Variants in ERAP1 observed in about 807,000 individuals in gnomAD.
ERAP1 encodes endoplasmic reticulum aminopeptidase 1, also known as adipocyte-derived leucine aminopeptidase.
ERAP1 carries 86 observed loss-of-function variants against 103.7 expected under a neutral mutation model. The observed-to-expected ratio is 0.83, with a 90% CI of 0.70 to 0.99. The LOEUF is 0.99. ERAP1 is among the 50% of genes least tolerant of loss of function. ERAP1 has a pLI of 0.00. For missense variants in ERAP1, 1,009 were observed against 1,128.4 expected (o/e 0.89, Z 1.52); for synonymous variants, 398 against 402.4 (o/e 0.99, Z 0.13).
chr5:96,836,176 G>GTTTTTTTTTTTTTTTTTTTTTTTGTTT, the ERAP1 span, among the ~76,000 whole-genome samples: 4 of 106,682 alleles, frequency 3.7e-5, no homozygotes, highest in African/African-American at 7.1e-5. Context: ...CACCTCTTTG[G>GTTTTTTTTTTTTTTTTTTTTTTTGTTT]TTTTTTTTTT....
chr5:96,919,372 C>G, the ERAP1 span: 2 of 152,060 alleles, frequency 1.3e-5, no homozygotes, highest in African/African-American at 4.8e-5. Context: ...TTTTATAACA[C>G]CTAAGAGATA....
the ERAP1 span, chr5:96,909,560 C>T: frequency 3.1e-6 from 5 of 1,600,640 alleles, no homozygotes; most frequent in South Asian, 1.1e-5. Context: ...TCTCTGTTAA[C>T]CATCTCATAT....
Position 96,793,442 on chromosome 5 carries a change from C to T in ERAP1, c.1146G>A (p.Met382Ile), listed in dbSNP as rs1393640319. The change falls in exon 7 of 19, where the codon ATG becomes ATA. Residue 382 changes from methionine (M) to isoleucine (I), a missense_variant. Coordinates refer to ENST00000443439, the MANE Select transcript of ERAP1 (RefSeq NM_001040458.3). Reference sequence around the variant, plus strand: ...GGGTCACACTGACAGACACAAACTCCATAAATTTGGCAAATCCTTCATTTA... The same window carrying T: ...GGGTCACACTGACAGACACAAACTCTATAAATTTGGCAAATCCTTCATTTA... The part of the protein sequence containing the change: ...LWLNEGFAKF[M>I]EFVSVSVTHP... 15 of 1,613,768 alleles carry T rather than the reference C, an allele frequency of 9.3e-6. No homozygotes were observed. In the East Asian group the frequency reaches 3.3e-4, roughly 36 times the overall value.
At chr5:96,818,886 T>G in the ERAP1 span, among the ~76,000 whole-genome samples, 1 of 146,020 alleles carries the variant, frequency 6.8e-6, no homozygotes, top group Non-Finnish European at 1.5e-5. Context: ...AAGCCAAACC[T>G]GAACTGCATT....
At chr5:96,786,330 T>C in intron 12 of ERAP1, 140 bp downstream of exon 12, 1 of 672,044 alleles carries the variant, frequency 1.5e-6, no homozygotes, top group Non-Finnish European at 2.7e-6. Context: ...ATATTGGCCA[T>C]TCTTCTTTGA....
chr5:96,850,112 G>C, the ERAP1 span, among the ~76,000 whole-genome samples: 17 of 152,092 alleles, frequency 1.1e-4, no homozygotes, highest in African/African-American at 3.9e-4. Context: ...TGAATTAAAT[G>C]CTTAAATGTA....
rs758408193 is a variant in ERAP1 at position 96,780,462 on chromosome 5, A to C, written c.2631T>G (p.Gly877=). ...TTCTTGTGGAGAATTGATTTGTTGT[A>C]CCCATTACCATGTGGGCTATGGAAG... The part of the protein sequence containing the change: ...GSSSIAHMVM[G]TTNQFSTRTR... Residue 877 remains glycine (G), a synonymous_variant, in exon 18 of 19, where the codon GGT becomes GGG. Transcript: ENST00000443439. 13 of 1,613,012 alleles carry C rather than the reference A, an allele frequency of 8.1e-6. No individual in the cohort carries two copies. The South Asian group carries it at 1.4e-4, about 18-fold the overall frequency.
chr5:96,926,525 T>C, the ERAP1 span, among the ~76,000 whole-genome samples: 1 of 152,222 alleles, frequency 6.6e-6, no homozygotes, highest in African/African-American at 2.4e-5. Flanking sequence ...TAGATTTGCC[T>C]AGTCTGGACA....
At chr5:96,846,310 A>C in the ERAP1 span, among the ~76,000 whole-genome samples, 1 of 152,130 alleles carries the variant, frequency 6.6e-6, no homozygotes, top group Non-Finnish European at 1.5e-5. Flanking sequence ...GCACTGGTCT[A>C]TTTACTCTTT....
the ERAP1 span, chr5:96,879,955 C>A: frequency 6.2e-7 from 1 of 1,614,184 alleles, no homozygotes; most frequent in Non-Finnish European, 8.5e-7. Flanking sequence ...CCTCTCTGGA[C>A]TTTGTTGCAT....
chr5:96,882,560 T>G, the ERAP1 span, among the ~76,000 whole-genome samples: 1 of 152,242 alleles, frequency 6.6e-6, no homozygotes, highest in Non-Finnish European at 1.5e-5. Flanking sequence ...GTGGTTCTTT[T>G]GAGATGCAGA....
In ERAP1 at chr5:96,774,920, A is replaced by AATC. The variant is rs56311676; in HGVS notation, c.*1473_*1475dup. On this transcript the variant is annotated 3_prime_UTR_variant, in exon 19 of 19. Coordinates refer to ENST00000443439, the MANE Select transcript of ERAP1 (RefSeq NM_001040458.3). ...AACACATTTTGACATTTTTCGTACC[A>AATC]ATCATCAATCATATTCCCTTATCTT... The AATC allele has an allele frequency of 3.0e-6, 3 of 985,356 alleles. No homozygotes were observed. The highest frequency in any genetic ancestry group is 3.6e-6 in the Non-Finnish European group (3 of 829,906). 61.0% of individuals were successfully genotyped at this position (985,356 alleles called of 1,614,324 possible). A position where few individuals can be genotyped will look rare whatever the true frequency, so the allele number is the denominator to read the frequency against.
At chr5:96,909,035 T>C in the ERAP1 span, 2 of 1,614,174 alleles carry the variant, frequency 1.2e-6, no homozygotes, top group South Asian at 1.1e-5. Flanking sequence ...AGCCCCGCAC[T>C]TCTCGAAGGT....
the ERAP1 span, among the ~76,000 whole-genome samples, chr5:96,818,426 CTTTT>C: frequency 4.1e-4 from 60 of 147,890 alleles, no homozygotes; most frequent in South Asian, 1.3e-3. Flanking sequence ...AGGGAAGCCT[CTTTT>C]TTTTTTTTTT....
chr5:96,778,065 T>G (rs775213730), intron 18 of ERAP1, among the ~76,000 whole-genome samples: 2 of 152,226 alleles, frequency 1.3e-5, no homozygotes, highest in Admixed American at 6.5e-5. Flanking sequence ...AGTTATATAA[T>G]GCAGGTAAAG....
Position 96,785,821 on chromosome 5 carries a change from G to A in ERAP1, c.1910C>T (p.Ala637Val), listed in dbSNP as rs774548991. Residue 637 changes from alanine (A) to valine (V), a missense_variant, in exon 13 of 19, where the codon GCG becomes GTG. This residue lies in a region of ERAP1 where 611 missense variants were observed against 651.7 expected (regional missense o/e 0.94). Coordinates refer to ENST00000443439, the MANE Select transcript of ERAP1 (RefSeq NM_001040458.3). ...THTAVSSNDR[A>V]SLINNAFQLV... ...CTGAAATGCATTGTTAATGAGACTC[G>A]CCCGATCATTACTGCTGACTGCTGT... is the stretch of plus-strand genomic sequence containing the variant. The A allele has an allele frequency of 3.1e-6, 5 of 1,614,076 alleles. No homozygotes were observed. The highest frequency in any genetic ancestry group is 1.6e-4 in the Middle Eastern group (1 of 6,062).
chr5:96,883,886 A>T, the ERAP1 span: 1 of 1,613,756 alleles, frequency 6.2e-7, no homozygotes, highest in Non-Finnish European at 8.5e-7. Context: ...TTCAATCAAG[A>T]TACGAAGAGA....
chr5:96,834,677 C>T, the ERAP1 span, among the ~76,000 whole-genome samples: 1 of 152,170 alleles, frequency 6.6e-6, no homozygotes, highest in Non-Finnish European at 1.5e-5. Context: ...GTGCAATTTG[C>T]TGAGTTTCTT....
chr5:96,805,029 T>C (rs1020578567), intron 1 of ERAP1: 3 of 151,878 alleles, frequency 2.0e-5, no homozygotes, highest in African/African-American at 7.2e-5. Context: ...TTATTTCTTT[T>C]ATACAAACGC....
Sources: allele counts gnomAD v4.1 joint callset (sites outside exome capture counted in the v4.1 genomes callset), GRCh38; gene constraint gnomAD v4.1.1; regional missense constraint gnomAD v4.1.1; transcripts MANE v1.5; gene names NCBI Gene and HGNC (gene_info 2026-07-23, HGNC 2026-07-21).